TMEM244: variants seen among roughly 807,000 people sequenced by gnomAD.
TMEM244 encodes the protein transmembrane protein 244.
A neutral mutation model predicts 15.8 loss-of-function variants in TMEM244; 13 were observed. That is an observed-to-expected ratio of 0.82 (90% CI 0.53 to 1.30). The LOEUF (loss-of-function observed/expected upper bound fraction) is 1.30, where lower values mean the gene tolerates loss of function less well. Among genes scored for constraint, TMEM244 ranks in the 50% most tolerant of loss-of-function variants. The probability of loss-of-function intolerance (pLI) is 0.00; values close to 1 mark genes in which losing one functional copy is unlikely to be tolerated. For synonymous variants in TMEM244, 45 were observed against 48.7 expected, an observed-to-expected ratio of 0.92 and a Z score of 0.32; for missense variants, 161 against 144.9, an observed-to-expected ratio of 1.11 and a Z score of -0.57.
intron 1 of TMEM244, among the ~76,000 whole-genome samples, chr6:129,856,336 C>T (rs1242584862): frequency 1.3e-5 from 2 of 152,072 alleles, no homozygotes; most frequent in Admixed American, 6.5e-5. Context: ...TTTCTATTTG[C>T]TTCCATTGAG....
chr6:129,835,848 G>A (rs896415660), intron 3 of TMEM244, among the ~76,000 whole-genome samples: 2 of 134,714 alleles, frequency 1.5e-5, no homozygotes, highest in Admixed American at 7.1e-5. Flanking sequence ...ATCTTGATGT[G>A]GAGATGGGCG....
chr6:129,861,253 A>C lies in TMEM244; in HGVS notation c.-65T>G. 3 of 1,576,114 alleles carry C rather than the reference A, an allele frequency of 1.9e-6. No individual in the cohort carries two copies. The highest frequency in any genetic ancestry group is 2.6e-6 in the Non-Finnish European group (3 of 1,148,210). On this transcript the variant is annotated 5_prime_UTR_variant, in exon 1 of 5. Coordinates refer to ENST00000368143, the MANE Select transcript of TMEM244 (RefSeq NM_001010876.2). ...CCTTATAGCGATGACATCTGGAAGA[A>C]GACACAATTGTCACCGTGAGCTTTT...
At chr6:129,860,970 TG>T (rs780598410) in intron 1 of TMEM244, among the ~76,000 whole-genome samples, 185 bp downstream of exon 1, 2 of 152,184 alleles carry the variant, frequency 1.3e-5, no homozygotes, top group Non-Finnish European at 2.9e-5. Context: ...TTCTTGGGCA[TG>T]GGTGCCTTTA....
chr6:129,850,125 C>T (rs73778840), intron 1 of TMEM244, among the ~76,000 whole-genome samples: 2,737 of 152,266 alleles, frequency 0.018, 96 homozygotes, highest in African/African-American at 0.063. Context: ...CCTGCTCCGA[C>T]TCAACCCTTA....
At chr6:129,854,932 A>T (rs550198601) in intron 1 of TMEM244, among the ~76,000 whole-genome samples, 1 of 152,332 alleles carries the variant, frequency 6.6e-6, no homozygotes, top group Non-Finnish European at 1.5e-5. Context: ...CATATTCAAT[A>T]TCTGCTCACA....
rs376003842 is a variant in TMEM244, at chr6:129,861,148, C to A, written c.33+8G>T. On this transcript the variant is annotated splice_region_variant and intron_variant, in intron 1 of 4. Coordinates refer to ENST00000368143, the MANE Select transcript of TMEM244 (RefSeq NM_001010876.2). ...GAAAGGCAATGCAAAGAAGTAATTT[C>A]TCTTTACCTTGCTTGGAGCAACTCT... 6.4e-5 allele frequency: 104 copies of A among 1,613,610 alleles called. No individual in the cohort carries two copies. Among genetic ancestry groups the A allele is most frequent in the Non-Finnish European group, 8.3e-5 (98 of 1,179,716 alleles).
chr6:129,840,851 A>T (rs1776479740), intron 3 of TMEM244, among the ~76,000 whole-genome samples: 1 of 152,234 alleles, frequency 6.6e-6, no homozygotes, highest in South Asian at 2.1e-4. Context: ...CATCAGAGAA[A>T]TGCAAATCAA....
Position 129,843,537 on chromosome 6 carries a change from G to T in TMEM244, c.186C>A (p.Asn62Lys). Reference protein sequence around the residue: ...FKTNPSWLNINYKVLLVSTEV... With the variant: ...FKTNPSWLNIKYKVLLVSTEV... ...TAAAATTAAAACAATTACCTTTATA[G>T]TTTATGTTGAGCCATGAGGGATTTG... Residue 62 changes from asparagine (N) to lysine (K), a missense_variant, in exon 3 of 5, where the codon AAC becomes AAA. Asn to Lys is a moderately conservative substitution (Grantham distance 94). Coordinates refer to ENST00000368143, the MANE Select transcript of TMEM244 (RefSeq NM_001010876.2). 1 of 1,608,354 alleles carries T rather than the reference G, an allele frequency of 6.2e-7. No homozygotes were observed. The highest frequency in any genetic ancestry group is 1.1e-5 in the South Asian group (1 of 90,700).
chr6:129,848,600 T>C (rs1303348949), intron 1 of TMEM244, among the ~76,000 whole-genome samples: 1 of 150,806 alleles, frequency 6.6e-6, no homozygotes, highest in Non-Finnish European at 1.5e-5. Flanking sequence ...AAAAAAAAAA[T>C]GTAGAGGTGT....
At chr6:129,857,327 C>T (rs9492404) in intron 1 of TMEM244, among the ~76,000 whole-genome samples, 15,934 of 151,254 alleles carry the variant, frequency 0.11, 1,394 homozygotes, top group African/African-American at 0.24. Context: ...TACACACACA[C>T]ACACACACAC....
intron 4 of TMEM244, 56 bp downstream of exon 4, chr6:129,833,404 T>C: frequency 6.4e-7 from 1 of 1,564,942 alleles, no homozygotes; most frequent in Non-Finnish European, 8.7e-7. Context: ...AAGTGGTTTA[T>C]GTCCAACATC....
intron 1 of TMEM244, among the ~76,000 whole-genome samples, chr6:129,859,291 C>T (rs569761284): frequency 2.4e-4 from 37 of 152,278 alleles, no homozygotes; most frequent in African/African-American, 8.7e-4. Context: ...ACTGTATGTT[C>T]CCAATAGATA....
At chr6:129,838,071 C>A (rs9375670) in intron 3 of TMEM244, among the ~76,000 whole-genome samples, 56,685 of 151,732 alleles carry the variant, frequency 0.37, 11,072 homozygotes, top group South Asian at 0.5. Flanking sequence ...ACCAGGCAGA[C>A]CTAATAGACA....
chr6:129,833,599 G>A lies in TMEM244; in HGVS notation c.194-14C>T. ...AAACTAAAAGAACTGCAAATACAAGGAAGAATATAATTATTGAGGACTAGA... is the reference window on the plus strand; with the variant it reads ...AAACTAAAAGAACTGCAAATACAAGAAAGAATATAATTATTGAGGACTAGA... On this transcript the variant is annotated splice_polypyrimidine_tract_variant and intron_variant, in intron 3 of 4. Coordinates refer to ENST00000368143, the MANE Select transcript of TMEM244 (RefSeq NM_001010876.2). 2 of 1,608,508 alleles carry A rather than the reference G, an allele frequency of 1.2e-6. No individual in the cohort carries two copies. Among genetic ancestry groups the A allele is most frequent in the Non-Finnish European group, 1.7e-6 (2 of 1,177,806 alleles).
intron 3 of TMEM244, 62 bp from the exon 4 acceptor site, chr6:129,833,647 A>G (rs1365993200): frequency 8.0e-6 from 12 of 1,501,168 alleles, no homozygotes; most frequent in Non-Finnish European, 1.1e-5. Context: ...CTGAAATACA[A>G]CTAGTAACAA....
At chr6:129,840,662 A>C (rs1284373253) in intron 3 of TMEM244, among the ~76,000 whole-genome samples, 5 of 152,196 alleles carry the variant, frequency 3.3e-5, no homozygotes, top group Admixed American at 3.3e-4. Context: ...ATGGGAGAAA[A>C]TTTTTGCAAT....
chr6:129,844,766 AGC>A (rs1484162430), intron 2 of TMEM244, among the ~76,000 whole-genome samples: 1 of 152,194 alleles, frequency 6.6e-6, no homozygotes, highest in Non-Finnish European at 1.5e-5. Context: ...GCTGCACGTG[AGC>A]GCCAGATACT....
rs1336961723 is a variant in TMEM244, at chr6:129,861,198, C to T, written c.-10G>A. On this transcript the variant is annotated 5_prime_UTR_variant, in exon 1 of 5. Transcript: ENST00000368143. ...TGACCTGGAGAGCCATGTACACATC[C>T]TACGTCAAGGAGGTGATGAAAGCCC... 6.2e-7 allele frequency: 1 copy of T among 1,613,482 alleles called. No individual in the cohort carries two copies. The highest frequency in any genetic ancestry group is 1.3e-5 in the African/African-American group (1 of 74,896).
chr6:129,841,884 T>G (rs766212307), intron 3 of TMEM244, among the ~76,000 whole-genome samples: 3 of 152,150 alleles, frequency 2.0e-5, no homozygotes, highest in African/African-American at 7.2e-5. Flanking sequence ...AGGTTACTCT[T>G]ATATTTTATT....
Sources: gnomAD v4.1 joint callset for allele counts (sites outside exome capture counted in the v4.1 genomes callset) on GRCh38, gnomAD v4.1.1 for gene constraint, MANE v1.5 for transcripts, NCBI Gene and HGNC (gene_info 2026-07-23, HGNC 2026-07-21) for gene names.